Variants in HDAC5 observed in about 807,000 individuals in gnomAD.
The protein encoded by HDAC5 is histone deacetylase 5, also known as antigen NY-CO-9.
HDAC5 carries 25 observed loss-of-function variants against 133.3 expected under a neutral mutation model. The observed-to-expected ratio is 0.19, with a 90% CI of 0.14 to 0.26. The LOEUF is 0.26. Among genes scored for constraint, HDAC5 ranks in the 10% least tolerant of loss-of-function variants. HDAC5 has a pLI of 1.00. For missense variants in HDAC5, 1,041 were observed against 1,460.5 expected, an observed-to-expected ratio of 0.71 and a Z score of 4.68; for synonymous variants, 589 against 610.8, an observed-to-expected ratio of 0.96 and a Z score of 0.53.
rs35610404 is a variant in HDAC5, at chr17:44,080,336, T to C, written c.2825+65A>G. 6.2e-3 allele frequency: 9,717 copies of C among 1,558,158 alleles called. 507 individuals carry two copies. In the African/African-American group the frequency reaches 0.11, roughly 18 times the overall value. On this transcript the variant is annotated intron_variant, in intron 22 of 26. Transcript: ENST00000682912. ...TACCCACACTGAACTGAGTGCCTTC[T>C]GCCCCTCCCACTGCAGGGCCCAGAG...
At chr17:44,116,384 G>T (rs1403737348) in intron 2 of HDAC5, among the ~76,000 whole-genome samples, 1 of 152,182 alleles carries the variant, frequency 6.6e-6, no homozygotes, top group Non-Finnish European at 1.5e-5. Flanking sequence ...GGGGCTGAAT[G>T]AGGGCAAGGG....
intron 16 of HDAC5, 26 bp from the exon 17 acceptor site, chr17:44,083,880 T>C (rs767279123): frequency 1.2e-6 from 2 of 1,607,544 alleles, no homozygotes; most frequent in Admixed American, 3.3e-5. Flanking sequence ...ATAGAGCTAC[T>C]CTAGAAGTGG....
intron 14 of HDAC5, chr17:44,085,405 C>T (rs1353040000): frequency 1.2e-5 from 4 of 330,090 alleles, no homozygotes; most frequent in African/African-American, 8.5e-5. Flanking sequence ...GCTATCATGG[C>T]TCACTGCAGC....
In HDAC5 at chr17:44,117,916, G is replaced by C. The variant is rs2052747608; in HGVS notation, c.-189-212C>G. ...TCCCAGAGCCCAAGGGATAGGAAATGGCTATGGTGGCCAAACCCAACAGAC... is the reference window on the plus strand; with the variant it reads ...TCCCAGAGCCCAAGGGATAGGAAATCGCTATGGTGGCCAAACCCAACAGAC... On this transcript the variant is annotated intron_variant, in intron 1 of 26. Coordinates refer to ENST00000682912, the MANE Select transcript of HDAC5 (RefSeq NM_005474.5). The surrounding 1 kb of genome is among the most constrained non-coding windows in gnomAD (Gnocchi z 4.2). Among the ~76,000 whole-genome samples the C allele has an allele frequency of 6.6e-6, 1 of 152,192 alleles. No homozygotes were observed. The highest frequency in any genetic ancestry group is 1.5e-5 in the Non-Finnish European group (1 of 68,028).
chr17:44,117,577 G>A lies in HDAC5; in HGVS notation c.-62C>T, dbSNP rs976551238. On this transcript the variant is annotated 5_prime_UTR_variant, in exon 2 of 27. Transcript: ENST00000682912. This position sits in a 1 kb window ranked among gnomAD's most constrained non-coding sequence, Gnocchi z 4.2. ...CTGGGACGGGAGGGGGTGGAGCTGCGGTGATGTCAAGAGAGACAGACGATA... is the reference window on the plus strand; with the variant it reads ...CTGGGACGGGAGGGGGTGGAGCTGCAGTGATGTCAAGAGAGACAGACGATA... The A allele has an allele frequency of 2.7e-5, 43 of 1,581,802 alleles. No individual in the cohort carries two copies. The highest frequency in any genetic ancestry group is 1.7e-4 in the Middle Eastern group (1 of 6,034).
At chr17:44,103,595 G>GGAA (rs1382203818) in intron 3 of HDAC5, among the ~76,000 whole-genome samples, 1 of 152,152 alleles carries the variant, frequency 6.6e-6, no homozygotes, top group African/African-American at 2.4e-5. Flanking sequence ...ACAGGGCCTG[G>GGAA]GAAGATCAAG....
chr17:44,104,154 C>G (rs916015326), intron 3 of HDAC5, among the ~76,000 whole-genome samples: 4 of 151,566 alleles, frequency 2.6e-5, no homozygotes, highest in Non-Finnish European at 5.9e-5. Context: ...AACCCCGTCT[C>G]TACTAAAAAT....
At position 44,086,649 on chromosome 17, in the gene HDAC5, C is replaced by T. The variant is rs768591201; in HGVS notation, c.1973G>A (p.Arg658His). ...LATVPHQALGRTQSSPAAPGG... is the reference protein window; with the variant it reads ...LATVPHQALGHTQSSPAAPGG... ...AGGGGCAGCAGGGGAGGACTGGGTA[C>T]GGCCCAGGGCCTGGTGGGGCACAGT... Residue 658 changes from arginine (R) to histidine (H), a missense_variant, in exon 14 of 27, where the codon CGT (arginine) becomes CAT (histidine). Physicochemically the swap from Arg to His is conservative, Grantham distance 29 (BLOSUM62 0). This residue lies in a region of HDAC5 where 433 missense variants were observed against 531.6 expected (regional missense o/e 0.81). Coordinates refer to ENST00000682912, the MANE Select transcript of HDAC5 (RefSeq NM_005474.5). 43 of 1,300,864 alleles carry T rather than the reference C, an allele frequency of 3.3e-5. No homozygotes were observed. Among genetic ancestry groups the T allele is most frequent in the East Asian group, 1.1e-4 (4 of 35,292 alleles). The allele number at this position is 1,300,864 out of a possible 1,614,324, so 80.6% of individuals were successfully genotyped here.
chr17:44,113,510 C>T (rs1332675027), intron 2 of HDAC5, among the ~76,000 whole-genome samples: 1 of 152,170 alleles, frequency 6.6e-6, no homozygotes, highest in Non-Finnish European at 1.5e-5. Flanking sequence ...ATACAAGGTC[C>T]TCCTAATGTC....
Position 44,086,604 on chromosome 17 carries a change from G to A in HDAC5, c.2018C>T (p.Pro673Leu). ...PAAPGGMKSPPDQPVKHLFTT... is the reference protein window; with the variant it reads ...PAAPGGMKSPLDQPVKHLFTT... The stretch of plus-strand genomic sequence containing the variant: ...GAAGAGGTGCTTGACGGGCTGGTCT[G>A]GGGGGCTCTTCATGCCCCCAGGGGC... The change falls in exon 14 of 27, where the codon CCA (proline) becomes CTA (leucine). Residue 673 changes from proline (P) to leucine (L), a missense_variant. Physicochemically the swap from Pro to Leu is moderately conservative, Grantham distance 98 (BLOSUM62 -3). Around this residue, in one of 9 missense-constraint regions of HDAC5, gnomAD observed 433 missense variants for 531.6 expected, o/e 0.81. Coordinates refer to ENST00000682912, the MANE Select transcript of HDAC5 (RefSeq NM_005474.5). The A allele has an allele frequency of 7.7e-7, 1 of 1,304,464 alleles. No homozygotes were observed. The allele number at this position is 1,304,464 out of a possible 1,614,324, so 80.8% of individuals were successfully genotyped here.
At chr17:44,086,879 C>A in intron 13 of HDAC5, 142 bp from the exon 14 acceptor site, 1 of 499,324 alleles carries the variant, frequency 2.0e-6, no homozygotes, top group Non-Finnish European at 3.2e-6. Context: ...CACTTGCTCC[C>A]TCCAGGGACA....
Position 44,078,579 on chromosome 17 carries a change from C to T in HDAC5, c.3250G>A (p.Glu1084Lys). The T allele has an allele frequency of 6.2e-7, 1 of 1,610,464 alleles. No individual in the cohort carries two copies. Among genetic ancestry groups the T allele is most frequent in the Non-Finnish European group, 8.5e-7 (1 of 1,179,962 alleles). The change falls in exon 26 of 27, where the codon GAG becomes AAG. Residue 1084 changes from glutamate (E) to lysine (K), a missense_variant. By Grantham distance (56) the Glu-to-Lys change is moderately conservative. Around this residue, in one of 9 missense-constraint regions of HDAC5, gnomAD observed 95 missense variants for 107.3 expected, o/e 0.88. Coordinates refer to ENST00000682912, the MANE Select transcript of HDAC5 (RefSeq NM_005474.5). ...EAQAGETEEA[E>K]TVSAMALLSV... ...AGCAAGGCCATGGCGCTCACAGTCT[C>T]GGCCTCCTCGGTCTCACCTGCTTGG...
intron 3 of HDAC5, among the ~76,000 whole-genome samples, chr17:44,101,677 A>C (rs1423460897): frequency 3.9e-5 from 6 of 152,150 alleles, no homozygotes; most frequent in Admixed American, 3.3e-4. Context: ...CAAGCCTCTT[A>C]GAGAGGCTGC....
chr17:44,096,866 C>T lies in HDAC5; in HGVS notation c.95-3032G>A, dbSNP rs186406172. On this transcript the variant is annotated intron_variant, in intron 3 of 26. Transcript: ENST00000682912. Reference sequence around the variant, plus strand: ...CCTCCCAAGCAGCTGGGATTACAGGCGCCCACCACCAGGCCTAGCTAATTT... The same window carrying T: ...CCTCCCAAGCAGCTGGGATTACAGGTGCCCACCACCAGGCCTAGCTAATTT... Among the ~76,000 whole-genome samples, 758 of 152,134 alleles carry T rather than the reference C, an allele frequency of 5.0e-3. 1 individual carries two copies. Among genetic ancestry groups the T allele is most frequent in the Non-Finnish European group, 8.3e-3 (566 of 68,002 alleles).
chr17:44,115,329 T>C (rs920330532), intron 2 of HDAC5, among the ~76,000 whole-genome samples: 3 of 152,232 alleles, frequency 2.0e-5, no homozygotes, highest in African/African-American at 4.8e-5. Context: ...AACCATTTCC[T>C]TCCTTCCCAC....
intron 1 of HDAC5, among the ~76,000 whole-genome samples, chr17:44,121,379 G>A (rs935556717): frequency 2.0e-5 from 3 of 151,962 alleles, no homozygotes; most frequent in Non-Finnish European, 4.4e-5. Context: ...TCATTCATGA[G>A]CAAGCTACAG....
intron 23 of HDAC5, 167 bp from the exon 24 acceptor site, chr17:44,079,444 A>C: frequency 1.7e-6 from 1 of 579,504 alleles, no homozygotes; most frequent in Non-Finnish European, 3.0e-6. Flanking sequence ...GTTCGAGACC[A>C]GCCTGACCAA....
Position 44,117,464 on chromosome 17 carries a change from G to T in HDAC5, c.22+30C>A. 1 of 1,613,764 alleles carries T rather than the reference G, an allele frequency of 6.2e-7. No homozygotes were observed. The highest frequency in any genetic ancestry group is 8.5e-7 in the Non-Finnish European group (1 of 1,179,676). ...CCCATTGCATCCGAAGCTACCCCAG[G>T]GTGCTCTTCTCCAACCTCCCAGCTC... On this transcript the variant is annotated intron_variant, in intron 2 of 26. Transcript: ENST00000682912. The surrounding 1 kb of genome is among the most constrained non-coding windows in gnomAD (Gnocchi z 4.2).
intron 3 of HDAC5, 88 bp from the exon 4 acceptor site, chr17:44,093,922 C>G (rs1297337021): frequency 2.8e-6 from 4 of 1,409,132 alleles, no homozygotes; most frequent in African/African-American, 1.5e-5. Context: ...ACGCAGGATT[C>G]TAGGAGACCC....
Sources: gnomAD v4.1 joint callset for allele counts (sites outside exome capture counted in the v4.1 genomes callset) on GRCh38, gnomAD v4.1.1 for gene constraint, gnomAD v4.1.1 regional missense constraint, Gnocchi (gnomAD v3.1) non-coding constraint, MANE v1.5 for transcripts, NCBI Gene and HGNC (gene_info 2026-07-23, HGNC 2026-07-21) for gene names.